Variants in EDA observed in about 807,000 individuals in gnomAD.
The protein encoded by EDA is ectodysplasin-A.
Under a neutral mutation model 23.6 loss-of-function variants are expected in EDA, and 2 were observed. The observed-to-expected ratio is 0.08, with a 90% CI of 0.03 to 0.27. The LOEUF (loss-of-function observed/expected upper bound fraction) is 0.27, where lower values mean the gene tolerates loss of function less well. Ranked by LOEUF, EDA falls within the 10% of genes least tolerant of loss-of-function variation. The pLI is 1.00. For missense variants in EDA, 229 were observed against 324.2 expected (o/e 0.71, Z 2.26); for synonymous variants, 131 against 132.0 (o/e 0.99, Z 0.05).
chrX:69,939,842 G>T (rs1385566337), intron 1 of EDA, among the ~76,000 whole-genome samples: 1 of 111,913 alleles, frequency 8.9e-6, no homozygotes, highest in Non-Finnish European at 1.9e-5. Flanking sequence ...CAATTGAAAT[G>T]ATCATATCAT....
rs185242339 is a variant in EDA, at chrX:69,677,349, T to C, written c.396+60645T>C. ...AGTCCTTTGGGTATATACCCAGTAA[T>C]GGGATGGCTGGTTCAAATGGCATTT... On this transcript the variant is annotated intron_variant, in intron 1 of 7. Transcript: ENST00000374552. 6.0e-3 allele frequency among the ~76,000 whole-genome samples: 664 copies of C among 110,957 alleles called. 4 individuals carry two copies. The highest frequency in any genetic ancestry group is 0.01 in the South Asian group (26 of 2,532).
intron 1 of EDA, among the ~76,000 whole-genome samples, chrX:69,880,200 T>G (rs1308525863): frequency 9.0e-6 from 1 of 111,517 alleles, no homozygotes; most frequent in African/African-American, 3.3e-5. Context: ...TATGTCATTT[T>G]GAGTGAACAG....
intron 1 of EDA, among the ~76,000 whole-genome samples, chrX:69,641,840 A>G (rs969429404): frequency 8.9e-6 from 1 of 111,868 alleles, no homozygotes; most frequent in African/African-American, 3.2e-5. Context: ...GCTAAACTGC[A>G]TGGCTTTGAA....
At chrX:70,028,877 A>C (rs768470311) in intron 4 of EDA, among the ~76,000 whole-genome samples, 1 of 112,501 alleles carries the variant, frequency 8.9e-6, no homozygotes, top group East Asian at 2.8e-4. Flanking sequence ...GGACCCTTAC[A>C]GCTGATTTCT....
intron 1 of EDA, among the ~76,000 whole-genome samples, chrX:69,637,826 A>G (rs1039359237): frequency 9.0e-6 from 1 of 111,300 alleles, no homozygotes; most frequent in Non-Finnish European, 1.9e-5. Context: ...GCTTAGTAGT[A>G]GTAGTGTTCT....
chrX:69,996,967 T>G (rs1180682133), intron 2 of EDA, among the ~76,000 whole-genome samples: 1 of 112,423 alleles, frequency 8.9e-6, no homozygotes, highest in Non-Finnish European at 1.9e-5. Flanking sequence ...CGTGGACCTG[T>G]AAGTCCATTA....
chrX:69,804,964 T>C (rs973728025), intron 1 of EDA, among the ~76,000 whole-genome samples: 1 of 111,303 alleles, frequency 9.0e-6, no homozygotes, highest in Non-Finnish European at 1.9e-5. Context: ...ATGAGGAAAC[T>C]GAGGATCAGA....
rs1377555256 is a variant in EDA at position 69,910,326 on chromosome X, G to A, written c.397-46701G>A. 1.6e-4 allele frequency among the ~76,000 whole-genome samples: 16 copies of A among 103,117 alleles called. No individual in the cohort carries two copies. In the Admixed American group the frequency reaches 1.8e-3, roughly 11 times the overall value. 89.5% of individuals were successfully genotyped at this position (103,117 alleles called of 115,157 possible). A position where few individuals can be genotyped will look rare whatever the true frequency, so the allele number is the denominator to read the frequency against. On this transcript the variant is annotated intron_variant, in intron 1 of 7. Coordinates refer to ENST00000374552, the MANE Select transcript of EDA (RefSeq NM_001399.5). ...AGGTTTTAACTTTGGTTTTCAGTGG[G>A]TTATCTATAATATGCTAGGTAAAGG... is the stretch of plus-strand genomic sequence containing the variant.
intron 1 of EDA, among the ~76,000 whole-genome samples, chrX:69,920,824 G>T (rs1169692958): frequency 9.0e-6 from 1 of 111,671 alleles, no homozygotes; most frequent in Admixed American, 9.6e-5. Context: ...TTCACTGTTT[G>T]TAAGGAAATC....
intron 1 of EDA, among the ~76,000 whole-genome samples, chrX:69,862,299 T>C (rs12843497): frequency 0.3 from 33,447 of 111,291 alleles, 4,699 homozygotes; most frequent in Middle Eastern, 0.55. Flanking sequence ...GACACAGTAG[T>C]ACCTTTTATG....
At chrX:69,718,600 T>C (rs2012443395) in intron 1 of EDA, among the ~76,000 whole-genome samples, 1 of 111,393 alleles carries the variant, frequency 9.0e-6, no homozygotes, top group African/African-American at 3.3e-5. Flanking sequence ...ATTACATTGA[T>C]TGATTTTTGA....
At chrX:69,737,691 T>C (rs2013314002) in intron 1 of EDA, among the ~76,000 whole-genome samples, 2 of 112,587 alleles carry the variant, frequency 1.8e-5, no homozygotes, top group Non-Finnish European at 3.8e-5. Flanking sequence ...AATCAAAGTT[T>C]GCTCTGGTAT....
In EDA at chrX:70,023,252, G is replaced by A; in HGVS notation, c.526+11G>A. 2 of 1,113,342 alleles carry A rather than the reference G, an allele frequency of 1.8e-6. No homozygotes were observed. The highest frequency in any genetic ancestry group is 2.5e-6 in the Non-Finnish European group (2 of 812,968). 91.8% of individuals were successfully genotyped at this position (1,113,342 alleles called of 1,213,427 possible). A position where few individuals can be genotyped will look rare whatever the true frequency, so the allele number is the denominator to read the frequency against. ...AAAACAAGAAAAAGGGTAAGTTCCT[G>A]ACTTTATAAAATTGCTGTCTTGTCA... On this transcript the variant is annotated intron_variant, in intron 3 of 7. Transcript: ENST00000374552.
At chrX:69,868,644 C>A (rs2017521341) in intron 1 of EDA, among the ~76,000 whole-genome samples, 3 of 112,135 alleles carry the variant, frequency 2.7e-5, no homozygotes, top group Non-Finnish European at 5.6e-5. Context: ...GAAAAGCGAT[C>A]AGGGTCTCTC....
intron 2 of EDA, among the ~76,000 whole-genome samples, chrX:69,987,221 A>C (rs1335866939): frequency 9.9e-6 from 1 of 100,877 alleles, no homozygotes; most frequent in African/African-American, 3.8e-5. Flanking sequence ...ACATGTATAC[A>C]TATGTAACTA....
chrX:69,827,924 G>A (rs2016497486), intron 1 of EDA, among the ~76,000 whole-genome samples: 1 of 111,350 alleles, frequency 9.0e-6, no homozygotes, highest in Admixed American at 9.5e-5. Flanking sequence ...TAACAGACAG[G>A]ACCCTCAGCT....
chrX:69,784,096 G>C (rs1021559406), intron 1 of EDA, among the ~76,000 whole-genome samples: 1 of 100,687 alleles, frequency 9.9e-6, no homozygotes, highest in Admixed American at 1.1e-4. Flanking sequence ...CTTCTTTTGA[G>C]AAGTGTCTGT....
At chrX:69,630,397 A>C (rs1418981544) in intron 1 of EDA, among the ~76,000 whole-genome samples, 3 of 111,808 alleles carry the variant, frequency 2.7e-5, no homozygotes, top group Non-Finnish European at 3.8e-5. Flanking sequence ...TTCATTCAGA[A>C]AGTCTGGCTC....
At position 69,678,760 on chromosome X, in the gene EDA, G is replaced by A. The variant is rs181220471; in HGVS notation, c.396+62056G>A. Among the ~76,000 whole-genome samples the A allele has an allele frequency of 8.7e-3, 840 of 96,816 alleles. 2 individuals are homozygous for A. Among genetic ancestry groups the A allele is most frequent in the Non-Finnish European group, 0.013 (643 of 49,171 alleles). 84.1% of individuals were successfully genotyped at this position (96,816 alleles called of 115,157 possible). A position where few individuals can be genotyped will look rare whatever the true frequency, so the allele number is the denominator to read the frequency against. The stretch of plus-strand genomic sequence containing the variant: ...GGTTTTCTACATATACAATCATGTC[G>A]TCTGCAAACAGGGACAATTTGACTT... On this transcript the variant is annotated intron_variant, in intron 1 of 7. Coordinates refer to ENST00000374552, the MANE Select transcript of EDA (RefSeq NM_001399.5).
Sources: gnomAD v4.1 joint callset for allele counts (sites outside exome capture counted in the v4.1 genomes callset) on GRCh38, gnomAD v4.1.1 for gene constraint, MANE v1.5 for transcripts, NCBI Gene and HGNC (gene_info 2026-07-23, HGNC 2026-07-21) for gene names.